The following PLEKHA4 variants were observed in gnomAD, a reference collection of about 807,000 sequenced individuals.
PLEKHA4 encodes the protein pleckstrin homology domain containing A4.
Under a neutral mutation model 94.7 loss-of-function variants are expected in PLEKHA4, and 73 were observed. The observed-to-expected ratio is 0.77, with a 90% CI of 0.64 to 0.94. PLEKHA4 has a LOEUF of 0.94. PLEKHA4 is among the 40% of genes least tolerant of loss of function. The pLI is 0.00. For missense variants in PLEKHA4, 1,049 were observed against 1,054.1 expected (o/e 1.00, Z 0.07); for synonymous variants, 449 against 437.1 (o/e 1.03, Z -0.34).
intron 8 of PLEKHA4, 42 bp downstream of exon 8, chr19:48,858,818 T>C: frequency 6.2e-7 from 1 of 1,611,360 alleles, no homozygotes; most frequent in South Asian, 1.1e-5. Flanking sequence ...CCCTGAGGCC[T>C]GATGGGAAAC....
At position 48,837,908 on chromosome 19, in the gene PLEKHA4, TA is replaced by T; in HGVS notation, c.2077+108del. The T allele has an allele frequency of 2.3e-6, 2 of 883,026 alleles. No homozygotes were observed. Among genetic ancestry groups the T allele is most frequent in the African/African-American group, 1.7e-5 (1 of 58,118 alleles). 54.7% of individuals were successfully genotyped at this position (883,026 alleles called of 1,614,324 possible). On this transcript the variant is annotated intron_variant, in intron 19 of 19. Coordinates refer to ENST00000263265, the MANE Select transcript of PLEKHA4 (RefSeq NM_020904.3). The surrounding 1 kb of genome is among the most constrained non-coding windows in gnomAD (Gnocchi z 4.3). ...CTGCCCAACTCTTTACTCACCAAGA[TA>T]AAAAATTCTCACCGGCCCCCAGACC...
Position 48,861,644 on chromosome 19 carries a change from C to A in PLEKHA4, c.241G>T (p.Gly81Cys), listed in dbSNP as rs770347579. Residue 81 changes from glycine (G) to cysteine (C), a missense_variant, in exon 4 of 20, where the codon GGC (glycine) becomes TGC (cysteine). Physicochemically the swap from Gly to Cys is radical, Grantham distance 159 (BLOSUM62 -3). Transcript: ENST00000263265. ...CCCTTGTAATAAAAGAGGCAATGGCCGGAGAGGACGAACCAGCGGCGTTTC... is the reference window on the plus strand; with the variant it reads ...CCCTTGTAATAAAAGAGGCAATGGCAGGAGAGGACGAACCAGCGGCGTTTC... ...LWKRRWFVLS[G>C]HCLFYYKDSR... The A allele has an allele frequency of 6.2e-7, 1 of 1,614,012 alleles. No homozygotes were observed.
intron 16 of PLEKHA4, among the ~76,000 whole-genome samples, chr19:48,841,627 A>T (rs1037035612): frequency 6.8e-6 from 1 of 147,886 alleles, no homozygotes; most frequent in African/African-American, 2.5e-5. Flanking sequence ...CTCTGTCTCA[A>T]ATATATATAT....
chr19:48,853,074 C>A (rs1299505568), intron 12 of PLEKHA4, among the ~76,000 whole-genome samples: 1 of 152,150 alleles, frequency 6.6e-6, no homozygotes, highest in Non-Finnish European at 1.5e-5. Context: ...TCATTTAATT[C>A]CTATGAGGTA....
At chr19:48,844,255 A>G (rs1261922784) in intron 16 of PLEKHA4, 2 of 166,596 alleles carry the variant, frequency 1.2e-5, no homozygotes, top group Admixed American at 6.6e-5. Flanking sequence ...CCTGGGTTCA[A>G]GCGATTCTCC....
chr19:48,842,098 T>C (rs914484858), intron 16 of PLEKHA4, among the ~76,000 whole-genome samples: 2 of 151,954 alleles, frequency 1.3e-5, no homozygotes, highest in African/African-American at 4.8e-5. Flanking sequence ...ATATAAATGA[T>C]GGCCAGTGGC....
chr19:48,866,981 G>A (rs143369376), intron 2 of PLEKHA4, among the ~76,000 whole-genome samples: 576 of 152,248 alleles, frequency 3.8e-3, no homozygotes, highest in African/African-American at 0.012. Context: ...GCCCTTCCTT[G>A]GAAGCGGTGG....
intron 11 of PLEKHA4, 58 bp downstream of exon 11, chr19:48,853,949 A>T: frequency 6.2e-7 from 1 of 1,603,958 alleles, no homozygotes; most frequent in Admixed American, 1.7e-5. Flanking sequence ...CGCATTCAGG[A>T]AGGGCTCAGG....
intron 17 of PLEKHA4, among the ~76,000 whole-genome samples, chr19:48,840,396 C>A (rs1485634566): frequency 6.6e-6 from 1 of 150,730 alleles, no homozygotes; most frequent in Non-Finnish European, 1.5e-5. Context: ...GCCTGGGCGA[C>A]CTTGTCCCTG....
At chr19:48,838,600 C>T (rs2035634398) in intron 18 of PLEKHA4, among the ~76,000 whole-genome samples, 1 of 150,858 alleles carries the variant, frequency 6.6e-6, no homozygotes, top group Admixed American at 6.6e-5. Flanking sequence ...CCAGTCTCTA[C>T]CAAAAAATAC....
chr19:48,841,155 C>T lies in PLEKHA4; in HGVS notation c.1899G>A (p.Glu633=), dbSNP rs1434835067. 1.2e-6 allele frequency: 2 copies of T among 1,608,870 alleles called. No individual in the cohort carries two copies. The highest frequency in any genetic ancestry group is 1.7e-6 in the Non-Finnish European group (2 of 1,177,834). The change falls in exon 17 of 20, where the codon GAG becomes GAA. Residue 633 remains glutamate (E), a synonymous_variant. Coordinates refer to ENST00000263265, the MANE Select transcript of PLEKHA4 (RefSeq NM_020904.3). The part of the protein sequence containing the change: ...LSPARRQPDV[E]QRPVVGHSGA... ...CCAGCCCTCCTCCCCTCACCCTTTGCTCCACGTCAGGCTGGCGTCTGGCTG... is the reference window on the plus strand; with the variant it reads ...CCAGCCCTCCTCCCCTCACCCTTTGTTCCACGTCAGGCTGGCGTCTGGCTG...
rs558823586 is a variant in PLEKHA4 at position 48,850,446 on chromosome 19, G to A, written c.1425+1782C>T. Among the ~76,000 whole-genome samples, 628 of 152,248 alleles carry A rather than the reference G, an allele frequency of 4.1e-3. 2 individuals are homozygous for A. The highest frequency in any genetic ancestry group is 7.7e-3 in the Non-Finnish European group (526 of 68,030). On this transcript the variant is annotated intron_variant, in intron 13 of 19. Transcript: ENST00000263265. ...TTGAGCCTGGGAGGTGGAGGTTGCA[G>A]TGAGTCGAGATTGTGCCACTGCACT...
chr19:48,840,386 G>A (rs981953822), intron 17 of PLEKHA4, among the ~76,000 whole-genome samples: 3 of 150,590 alleles, frequency 2.0e-5, no homozygotes, highest in Non-Finnish European at 4.4e-5. Context: ...CTGCACTCTA[G>A]CCTGGGCGAC....
Sources: gnomAD v4.1 joint callset for allele counts (sites outside exome capture counted in the v4.1 genomes callset) on GRCh38, gnomAD v4.1.1 for gene constraint, Gnocchi (gnomAD v3.1) non-coding constraint, MANE v1.5 for transcripts, NCBI Gene and HGNC (gene_info 2026-07-23, HGNC 2026-07-21) for gene names.